WDR81: variants seen among roughly 807,000 people sequenced by gnomAD.
WDR81 encodes the protein WD repeat-containing protein 81.
In WDR81, 92 loss-of-function variants were observed where a neutral mutation model predicts 140.8. The observed-to-expected ratio is 0.65, with a 90% CI of 0.55 to 0.78. The LOEUF is 0.78. Among genes scored for constraint, WDR81 ranks in the 30% least tolerant of loss-of-function variants. The pLI is 0.00. For synonymous variants in WDR81, 1,183 were observed against 1,156.4 expected (o/e 1.02, Z -0.47); for missense variants, 2,502 against 2,636.4 (o/e 0.95, Z 1.12).
chr17:1,723,418 T>TTTATTTGG (rs1914984956), upstream of WDR81, among the ~76,000 whole-genome samples: 1 of 148,998 alleles, frequency 6.7e-6, no homozygotes, highest in Non-Finnish European at 1.5e-5. Flanking sequence ...TATTTATTTA[T>TTTATTTGG]TTTTATTTAT....
In WDR81 at chr17:1,726,631, G is replaced by A; in HGVS notation, c.1672G>A (p.Ala558Thr). 1.9e-6 allele frequency: 3 copies of A among 1,550,310 alleles called. No homozygotes were observed. The highest frequency in any genetic ancestry group is 2.6e-6 in the Non-Finnish European group (3 of 1,146,962). Residue 558 changes from alanine to threonine, a missense_variant, in exon 1 of 10, where the codon GCT (alanine) becomes ACT (threonine). By Grantham distance (58) the Ala-to-Thr change is moderately conservative. Coordinates refer to ENST00000409644, the MANE Select transcript of WDR81 (RefSeq NM_001163809.2). Reference sequence around the variant, plus strand: ...TGGCTATAAACTCCAGGGTAAGGAGGCTGTCAAGGAAAAGAATGTGTGTCT... The same window carrying A: ...TGGCTATAAACTCCAGGGTAAGGAGACTGTCAAGGAAAAGAATGTGTGTCT... Reference protein sequence around the residue: ...TFGYKLQGKEAVKEKNVCLHL... With the variant: ...TFGYKLQGKETVKEKNVCLHL...
rs1435874454 is a variant in WDR81 at position 1,724,765 on chromosome 17, G to C, written c.-195G>C. ...CGGCAGCCTCTGCCCCGCCGCGCCC[G>C]GAGCGCAGGACCCGCGGAGGGGTAA... On this transcript the variant is annotated 5_prime_UTR_variant, in exon 1 of 10. Transcript: ENST00000409644. The C allele has an allele frequency of 8.7e-7, 1 of 1,148,468 alleles. No individual in the cohort carries two copies. The highest frequency in any genetic ancestry group is 1.6e-5 in the African/African-American group (1 of 61,652). 71.1% of individuals were successfully genotyped at this position (1,148,468 alleles called of 1,614,324 possible). A position where few individuals can be genotyped will look rare whatever the true frequency, so the allele number is the denominator to read the frequency against.
chr17:1,726,208 T>A lies in WDR81; in HGVS notation c.1249T>A (p.Tyr417Asn). ...GGGGGATAAGCAACTGGACTTCACG[T>A]ATGAGATGACACGGCAGGCATTCGT... ...NKGDKQLDFT[Y>N]EMTRQAFVAG... The change falls in exon 1 of 10, where the codon TAT (tyrosine) becomes AAT (asparagine). Residue 417 changes from tyrosine to asparagine, a missense_variant. Tyr to Asn is a moderately radical substitution (Grantham distance 143, BLOSUM62 -2). Transcript: ENST00000409644. The A allele has an allele frequency of 6.5e-7, 1 of 1,527,440 alleles. No homozygotes were observed. Among genetic ancestry groups the A allele is most frequent in the South Asian group, 1.2e-5 (1 of 81,526 alleles). 94.6% of individuals were successfully genotyped at this position (1,527,440 alleles called of 1,614,324 possible).
In WDR81 at chr17:1,726,080, A is replaced by T; in HGVS notation, c.1121A>T (p.Gln374Leu). The change falls in exon 1 of 10, where the codon CAG (glutamine) becomes CTG (leucine). Residue 374 changes from glutamine to leucine, a missense_variant. Gln to Leu is a moderately radical substitution (Grantham distance 113). Coordinates refer to ENST00000409644, the MANE Select transcript of WDR81 (RefSeq NM_001163809.2). Reference sequence around the variant, plus strand: ...CTGAATCGGTTGGCAGGTCGGCGGCAGGGGGACCCCAACTACCACCCCGTG... The same window carrying T: ...CTGAATCGGTTGGCAGGTCGGCGGCTGGGGGACCCCAACTACCACCCCGTG... The part of the protein sequence containing the change: ...MQLNRLAGRR[Q>L]GDPNYHPVLP... The T allele has an allele frequency of 6.5e-7, 1 of 1,547,846 alleles. No individual in the cohort carries two copies. Among genetic ancestry groups the T allele is most frequent in the African/African-American group, 1.4e-5 (1 of 73,124 alleles).
At position 1,734,051 on chromosome 17, in the gene WDR81, G is replaced by A. The variant is rs1188435434; in HGVS notation, c.5014G>A (p.Val1672Met). ...CCTGAGCGGCAGCAAGGATCGTACC[G>A]TGCGCCTCTGGCCGCTGTACAACTA... ...FFLSGSKDRT[V>M]RLWPLYNYGD... Residue 1672 changes from valine (V) to methionine (M), a missense_variant, in exon 7 of 10, where the codon GTG becomes ATG. By Grantham distance (21) the Val-to-Met change is conservative (BLOSUM62 1). Coordinates refer to ENST00000409644, the MANE Select transcript of WDR81 (RefSeq NM_001163809.2). 4.4e-6 allele frequency: 7 copies of A among 1,608,730 alleles called. No individual in the cohort carries two copies. Among genetic ancestry groups the A allele is most frequent in the East Asian group, 2.2e-5 (1 of 44,888 alleles).
In WDR81 at chr17:1,728,419, G is replaced by C; in HGVS notation, c.3460G>C (p.Glu1154Gln). The C allele has an allele frequency of 6.2e-7, 1 of 1,612,712 alleles. No individual in the cohort carries two copies. Among genetic ancestry groups the C allele is most frequent in the Non-Finnish European group, 8.5e-7 (1 of 1,179,658 alleles). Residue 1154 changes from glutamate (E) to glutamine (Q), a missense_variant, in exon 1 of 10, where the codon GAG becomes CAG. This residue lies in a region of WDR81 where 1,737 missense variants were observed against 1,843.0 expected (regional missense o/e 0.94). Transcript: ENST00000409644. ...QDLKQSEGSE[E>Q]EEEEEDSCVV... The stretch of plus-strand genomic sequence containing the variant: ...CTTGAAGCAAAGCGAGGGCTCCGAG[G>C]AGGAAGAGGAGGAGGAGGACAGCTG...
intron 1 of WDR81, among the ~76,000 whole-genome samples, chr17:1,729,988 C>T (rs1368085439): frequency 1.2e-5 from 1 of 81,922 alleles, no homozygotes; most frequent in Non-Finnish European, 2.6e-5. Context: ...GAGACTCTGT[C>T]TCAAAAAAAA....
At chr17:1,716,581 G>A in exon 1 of WDR81, 1 of 1,551,694 alleles carries the variant, frequency 6.4e-7, no homozygotes, top group Non-Finnish European at 8.7e-7. Flanking sequence ...AATGCATGCT[G>A]GTCCGTGTAG....
At chr17:1,733,036 A>T in intron 6 of WDR81, 1 of 630,478 alleles carries the variant, frequency 1.6e-6, no homozygotes, top group East Asian at 3.0e-5. Flanking sequence ...AGAGGCCCAG[A>T]AGCTGGCCTG....
Position 1,728,123 on chromosome 17 carries a change from A to G in WDR81, c.3164A>G (p.Glu1055Gly). ...GGGGAGGAGATTCCCATGGATGGGGAGCCTCCTGCCTCCTCGGGCCTGGGG... is the reference window on the plus strand; with the variant it reads ...GGGGAGGAGATTCCCATGGATGGGGGGCCTCCTGCCTCCTCGGGCCTGGGG... The part of the protein sequence containing the change: ...AFGEEIPMDG[E>G]PPASSGLGLP... The change falls in exon 1 of 10, where the codon GAG becomes GGG. Residue 1055 changes from glutamate (E) to glycine (G), a missense_variant. Around this residue, in one of 3 missense-constraint regions of WDR81, gnomAD observed 1,737 missense variants for 1,843.0 expected, o/e 0.94. Transcript: ENST00000409644. 1 of 1,605,778 alleles carries G rather than the reference A, an allele frequency of 6.2e-7. No homozygotes were observed. The highest frequency in any genetic ancestry group is 2.2e-5 in the East Asian group (1 of 44,626).
In WDR81 at chr17:1,726,398, T is replaced by C. The variant is rs1470596947; in HGVS notation, c.1439T>C (p.Met480Thr). 2.6e-6 allele frequency: 4 copies of C among 1,550,130 alleles called. No homozygotes were observed. Among genetic ancestry groups the C allele is most frequent in the African/African-American group, 1.4e-5 (1 of 73,036 alleles). ...QWEPHEYPAS[M>T]ERMQNWTPDE... ...GAGCCCCATGAGTATCCGGCCAGCA[T>C]GGAGCGGATGCAGAACTGGACCCCG... Residue 480 changes from methionine (M) to threonine (T), a missense_variant, in exon 1 of 10, where the codon ATG becomes ACG. By Grantham distance (81) the Met-to-Thr change is moderately conservative. Around this residue, in one of 3 missense-constraint regions of WDR81, gnomAD observed 218 missense variants for 279.6 expected, o/e 0.78. Transcript: ENST00000409644.
rs1392531509 is a variant in WDR81 at position 1,732,797 on chromosome 17, A to G, written c.4455A>G (p.Ala1485=). The G allele has an allele frequency of 1.9e-6, 3 of 1,612,786 alleles. No homozygotes were observed. Among genetic ancestry groups the G allele is most frequent in the East Asian group, 2.2e-5 (1 of 44,900 alleles). ...AGAAGGTGTTCACCCTGGAGATGGCATACACAATCTACGTGCCCTTCTCCT... is the reference window on the plus strand; with the variant it reads ...AGAAGGTGTTCACCCTGGAGATGGCGTACACAATCTACGTGCCCTTCTCCT... ...ELQKVFTLEM[A]YTIYVPFSCL... Residue 1485 remains alanine (A), a synonymous_variant, in exon 6 of 10, where the codon GCA becomes GCG. Transcript: ENST00000409644.
chr17:1,718,490 C>T (rs1053614273), intron 1 of WDR81, among the ~76,000 whole-genome samples: 5 of 152,204 alleles, frequency 3.3e-5, no homozygotes, highest in East Asian at 1.9e-4. Context: ...TGGCTTTTGG[C>T]GGTGCCCTGC....
In WDR81 at chr17:1,735,157, C is replaced by T. The variant is rs1471699625; in HGVS notation, c.5180-415C>T. 3.9e-5 allele frequency among the ~76,000 whole-genome samples: 6 copies of T among 152,254 alleles called. No individual in the cohort carries two copies. Among genetic ancestry groups the T allele is most frequent in the Middle Eastern group, 3.4e-3 (1 of 294 alleles). On this transcript the variant is annotated intron_variant, in intron 7 of 9. Coordinates refer to ENST00000409644, the MANE Select transcript of WDR81 (RefSeq NM_001163809.2). The surrounding 1 kb of genome is among the most constrained non-coding windows in gnomAD (Gnocchi z 4.2). ...TAAGAATACAAAAAAAGGCCGGACG[C>T]GGTGGCTCACGCCTGTAATCCCAGC... is the stretch of plus-strand genomic sequence containing the variant.
chr17:1,730,003 A>AGAAGAAG (rs71375530), intron 1 of WDR81, among the ~76,000 whole-genome samples: 2 of 145,048 alleles, frequency 1.4e-5, no homozygotes, highest in Non-Finnish European at 3.0e-5. Context: ...AAAAAAAAAA[A>AGAAGAAG]AAGAAGAAGA....
rs776864189 is a variant in WDR81 at position 1,736,042 on chromosome 17, G to A, written c.5329G>A (p.Glu1777Lys). The A allele has an allele frequency of 5.6e-6, 9 of 1,594,770 alleles. No homozygotes were observed. Among genetic ancestry groups the A allele is most frequent in the South Asian group, 4.4e-5 (4 of 90,714 alleles). ...VDCRKPGLQHEFRLGGGLNPG... is the reference protein window; with the variant it reads ...VDCRKPGLQHKFRLGGGLNPG... ...CTCAGCCGCCCTCTCCCTGCAGCACGAGTTCCGACTGGGCGGTGGGCTGAA... is the reference window on the plus strand; with the variant it reads ...CTCAGCCGCCCTCTCCCTGCAGCACAAGTTCCGACTGGGCGGTGGGCTGAA... Residue 1777 changes from glutamate to lysine, a missense_variant, in exon 9 of 10, where the codon GAG (glutamate) becomes AAG (lysine). Glu to Lys is a moderately conservative substitution (Grantham distance 56, BLOSUM62 1). Coordinates refer to ENST00000409644, the MANE Select transcript of WDR81 (RefSeq NM_001163809.2).
Position 1,727,517 on chromosome 17 carries a change from A to T in WDR81, c.2558A>T (p.Gln853Leu), listed in dbSNP as rs1386304453. ...CTGTTTGAGTACAGGCCTGTCTCCC[A>T]GGGCCTGCCCCCACCCTGCCCAAGC... ...DQLFEYRPVS[Q>L]GLPPPCPSQL... The change falls in exon 1 of 10, where the codon CAG becomes CTG. Residue 853 changes from glutamine to leucine, a missense_variant. Physicochemically the swap from Gln to Leu is moderately radical, Grantham distance 113. This residue lies in a region of WDR81 where 1,737 missense variants were observed against 1,843.0 expected (regional missense o/e 0.94). Coordinates refer to ENST00000409644, the MANE Select transcript of WDR81 (RefSeq NM_001163809.2). 1 of 1,550,270 alleles carries T rather than the reference A, an allele frequency of 6.5e-7. No individual in the cohort carries two copies. Among genetic ancestry groups the T allele is most frequent in the African/African-American group, 1.4e-5 (1 of 73,038 alleles).
At chr17:1,731,405 A>C in intron 4 of WDR81, 147 bp downstream of exon 4, 1 of 983,472 alleles carries the variant, frequency 1.0e-6, no homozygotes, top group South Asian at 1.8e-5. Context: ...CCCTGAGCAA[A>C]CCACACCCTT....
rs199835827 is a variant in WDR81 at position 1,728,353 on chromosome 17, G to T, written c.3394G>T (p.Val1132Leu). Residue 1132 changes from valine to leucine, a missense_variant, in exon 1 of 10, where the codon GTG (valine) becomes TTG (leucine). Physicochemically the swap from Val to Leu is conservative, Grantham distance 32. This residue lies in a region of WDR81 where 1,737 missense variants were observed against 1,843.0 expected (regional missense o/e 0.94). Transcript: ENST00000409644. ...ERAPDEGGAP[V>L]DKSSLRSGDS... Reference sequence around the variant, plus strand: ...GGCTCCAGACGAGGGGGGTGCCCCCGTGGACAAGAGCAGCCTTCGATCAGG... The same window carrying T: ...GGCTCCAGACGAGGGGGGTGCCCCCTTGGACAAGAGCAGCCTTCGATCAGG... The T allele has an allele frequency of 1.2e-5, 19 of 1,612,942 alleles. No homozygotes were observed. Among genetic ancestry groups the T allele is most frequent in the East Asian group, 2.2e-5 (1 of 44,884 alleles).
Sources: gnomAD v4.1 joint callset for allele counts (sites outside exome capture counted in the v4.1 genomes callset) on GRCh38, gnomAD v4.1.1 for gene constraint, gnomAD v4.1.1 regional missense constraint, Gnocchi (gnomAD v3.1) non-coding constraint, MANE v1.5 for transcripts, NCBI Gene and HGNC (gene_info 2026-07-23, HGNC 2026-07-21) for gene names.